The following DENND2B variants were observed in gnomAD, a reference collection of about 807,000 sequenced individuals.
The protein encoded by DENND2B is DENN domain containing 2B, also known as DENN domain-containing protein 2B.
Under a neutral mutation model 116.0 loss-of-function variants are expected in DENND2B, and 32 were observed. The ratio of observed to expected loss-of-function variants is 0.28; its 90% CI spans 0.21 to 0.37. The LOEUF is 0.37. Ranked by LOEUF, DENND2B falls within the 10% of genes least tolerant of loss-of-function variation. The probability of loss-of-function intolerance (pLI) is 1.00; values close to 1 mark genes in which losing one functional copy is unlikely to be tolerated. For synonymous variants in DENND2B, 588 were observed against 583.9 expected, an observed-to-expected ratio of 1.01 and a Z score of -0.10; for missense variants, 1,276 against 1,477.7, an observed-to-expected ratio of 0.86 and a Z score of 2.24.
chr11:8,867,134 C>T (rs1475151753), intron 2 of DENND2B, among the ~76,000 whole-genome samples: 1 of 152,164 alleles, frequency 6.6e-6, no homozygotes, highest in Non-Finnish European at 1.5e-5. Flanking sequence ...CTCCAGAGCA[C>T]TAGCAAGTTC....
upstream of DENND2B, among the ~76,000 whole-genome samples, chr11:8,875,648 C>G (rs1247716485): frequency 2.0e-5 from 3 of 151,890 alleles, no homozygotes; most frequent in Non-Finnish European, 4.4e-5. Flanking sequence ...AGGCTGGTCT[C>G]AAACTCCTGG....
chr11:8,804,733 C>T (rs2060690100), intron 1 of DENND2B, among the ~76,000 whole-genome samples: 1 of 151,882 alleles, frequency 6.6e-6, no homozygotes, highest in Admixed American at 6.6e-5. Context: ...TTAGTAGAGA[C>T]AGGGTTTTAC....
intron 1 of DENND2B, among the ~76,000 whole-genome samples, chr11:8,889,284 G>C (rs2063997249): frequency 2.0e-5 from 3 of 152,234 alleles, no homozygotes; most frequent in Non-Finnish European, 4.4e-5. Context: ...TGGCCGAATA[G>C]GAACAGCTCC....
chr11:8,844,544 A>T (rs1254627809), intron 3 of DENND2B, among the ~76,000 whole-genome samples: 1 of 92,346 alleles, frequency 1.1e-5, no homozygotes, highest in African/African-American at 3.7e-5. Context: ...ATTTTATACT[A>T]TGCCTTTTTG....
intron 6 of DENND2B, 133 bp from the exon 7 acceptor site, chr11:8,714,839 G>C (rs1447400368): frequency 2.8e-6 from 2 of 717,664 alleles, no homozygotes; most frequent in Non-Finnish European, 4.6e-6. Context: ...GTCCAGGACT[G>C]GTCTAACTGC....
chr11:8,764,581 G>A (rs1158921702), intron 1 of DENND2B, among the ~76,000 whole-genome samples: 1 of 152,186 alleles, frequency 6.6e-6, no homozygotes, highest in Non-Finnish European at 1.5e-5. Context: ...TGATACCAGA[G>A]CACATTAGTC....
chr11:8,783,024 G>A (rs1023544855), intron 1 of DENND2B, among the ~76,000 whole-genome samples: 6 of 147,756 alleles, frequency 4.1e-5, no homozygotes, highest in African/African-American at 7.5e-5. Flanking sequence ...ATACAGATAT[G>A]TAGATATTTG....
intron 2 of DENND2B, among the ~76,000 whole-genome samples, chr11:8,860,608 A>G (rs534450676): frequency 1.3e-5 from 2 of 152,204 alleles, no homozygotes; most frequent in Non-Finnish European, 2.9e-5. Flanking sequence ...CATGAAAATG[A>G]GCATACTACC....
chr11:8,905,093 AT>A (rs1290177830), intron 1 of DENND2B, among the ~76,000 whole-genome samples: 4 of 152,130 alleles, frequency 2.6e-5, no homozygotes, highest in Non-Finnish European at 4.4e-5. Flanking sequence ...GAATATAAAA[AT>A]AATTTTGAAA....
chr11:8,700,784 G>A (rs1205418625), intron 14 of DENND2B, among the ~76,000 whole-genome samples: 1 of 151,812 alleles, frequency 6.6e-6, no homozygotes, highest in African/African-American at 2.4e-5. Context: ...TATGGAGAGA[G>A]GAAAAGTTTT....
Position 8,714,011 on chromosome 11 carries a change from A to G in DENND2B, c.1974T>C (p.Asp658=). 6.2e-7 allele frequency: 1 copy of G among 1,614,154 alleles called. No individual in the cohort carries two copies. Among genetic ancestry groups the G allele is most frequent in the Non-Finnish European group, 8.5e-7 (1 of 1,180,036 alleles). Residue 658 remains aspartate (D), a synonymous_variant, in exon 8 of 20, where the codon GAT becomes GAC. Transcript: ENST00000313726. ...GCTGTGCCTCACCTTTGAACCTGTC[A>G]TCAGAGTCGCTCTCGCTCTCACTGT... ...DENSESESDS[D]DRFKAHTQRL... is the part of the protein sequence containing the mutation.
At chr11:8,847,688 A>G (rs2062861740) in intron 3 of DENND2B, among the ~76,000 whole-genome samples, 1 of 152,232 alleles carries the variant, frequency 6.6e-6, no homozygotes, top group Non-Finnish European at 1.5e-5. Flanking sequence ...CAAGGCAATG[A>G]AACAGACTAC....
rs1378236533 is a variant in DENND2B, at chr11:8,717,752, G to C, written c.1618C>G (p.Pro540Ala). 1 of 1,568,868 alleles carries C rather than the reference G, an allele frequency of 6.4e-7. No individual in the cohort carries two copies. Among genetic ancestry groups the C allele is most frequent in the African/African-American group, 1.4e-5 (1 of 73,402 alleles). The change falls in exon 5 of 20, where the codon CCG becomes GCG. Residue 540 changes from proline to alanine, a missense_variant. By Grantham distance (27) the Pro-to-Ala change is conservative (BLOSUM62 -1). Coordinates refer to ENST00000313726, the MANE Select transcript of DENND2B (RefSeq NM_213618.2). ...CAGGGCTGAGTTACCTGTGTGGGCG[G>C]GCTGTTGTACTTCCTGTCCTGAGGA... is the stretch of plus-strand genomic sequence containing the variant. Reference protein sequence around the residue: ...WSPQDRKYNSPPTQLSLKPNS... With the variant: ...WSPQDRKYNSAPTQLSLKPNS...
intron 1 of DENND2B, among the ~76,000 whole-genome samples, chr11:8,906,207 T>C (rs1397815994): frequency 0.22 from 4,018 of 18,590 alleles, 156 homozygotes; most frequent in Admixed American, 0.28. Flanking sequence ...TTTTTTTTCT[T>C]TTTTTTTTTT....
chr11:8,809,705 T>A (rs1355145844), intron 1 of DENND2B: 1 of 152,156 alleles, frequency 6.6e-6, no homozygotes, highest in African/African-American at 2.4e-5. Flanking sequence ...CTGCGTGCCC[T>A]GAGATTTGGT....
chr11:8,724,046 A>T (rs1188100102), intron 4 of DENND2B, among the ~76,000 whole-genome samples: 1 of 152,130 alleles, frequency 6.6e-6, no homozygotes, highest in Admixed American at 6.5e-5. Context: ...CTATAATCCC[A>T]GAACTTTGGG....
intron 4 of DENND2B, among the ~76,000 whole-genome samples, chr11:8,829,123 TGTG>T (rs1425682339): frequency 3.3e-5 from 5 of 149,808 alleles, no homozygotes; most frequent in Non-Finnish European, 5.9e-5. Flanking sequence ...CTTTTGTGCA[TGTG>T]GTGTGTGTGC....
intron 19 of DENND2B, among the ~76,000 whole-genome samples, 158 bp from the exon 20 acceptor site, chr11:8,694,288 G>A (rs187235842): frequency 1.3e-5 from 2 of 152,318 alleles, no homozygotes; most frequent in East Asian, 3.9e-4. Context: ...AAACACGTGA[G>A]AGCTCTAATT....
chr11:8,715,466 G>A (rs770888751), intron 6 of DENND2B, 137 bp downstream of exon 6: 6 of 827,306 alleles, frequency 7.3e-6, no homozygotes, highest in South Asian at 3.4e-5. Flanking sequence ...GCCAGTGCAC[G>A]GACCCAGAAT....
Sources: allele counts gnomAD v4.1 joint callset (sites outside exome capture counted in the v4.1 genomes callset), GRCh38; gene constraint gnomAD v4.1.1; transcripts MANE v1.5; gene names NCBI Gene and HGNC (gene_info 2026-07-23, HGNC 2026-07-21).